The following MIPOL1 variants were observed in gnomAD, a reference collection of about 807,000 sequenced individuals.
The protein encoded by MIPOL1 is mirror-image polydactyly 1.
MIPOL1 carries 57 observed loss-of-function variants against 60.9 expected under a neutral mutation model. That is an observed-to-expected ratio of 0.94 (90% CI 0.76 to 1.17). The LOEUF (loss-of-function observed/expected upper bound fraction) is 1.17. Among genes scored for constraint, MIPOL1 ranks in the 50% most tolerant of loss-of-function variants. The pLI is 0.00. For synonymous variants in MIPOL1, 179 were observed against 168.8 expected, an observed-to-expected ratio of 1.06 and a Z score of -0.47; for missense variants, 551 against 511.6, an observed-to-expected ratio of 1.08 and a Z score of -0.74.
chr14:37,466,873 A>G (rs1030321461), intron 11 of MIPOL1, among the ~76,000 whole-genome samples: 3 of 152,228 alleles, frequency 2.0e-5, no homozygotes, highest in African/African-American at 4.8e-5. Flanking sequence ...GTAGCTATCA[A>G]TATCAGATCA....
intron 12 of MIPOL1, among the ~76,000 whole-genome samples, chr14:37,508,110 TC>T (rs1429569659): frequency 7.9e-5 from 12 of 152,276 alleles, no homozygotes; most frequent in Admixed American, 2.6e-4. Context: ...TTATAAGACT[TC>T]GTAAGATGGT....
At chr14:37,449,822 T>C (rs374781094) in intron 11 of MIPOL1, among the ~76,000 whole-genome samples, 1 of 151,648 alleles carries the variant, frequency 6.6e-6, no homozygotes, top group South Asian at 2.1e-4. Flanking sequence ...TTACTTAATT[T>C]ATTTTTTTGA....
chr14:37,302,525 C>T (rs2086391629), intron 7 of MIPOL1, among the ~76,000 whole-genome samples: 1 of 151,284 alleles, frequency 6.6e-6, no homozygotes, highest in African/African-American at 2.4e-5. Context: ...GTGGCTTGCA[C>T]ATATTTTCTT....
At chr14:37,348,484 A>G (rs1358107690) in intron 9 of MIPOL1, among the ~76,000 whole-genome samples, 1 of 152,170 alleles carries the variant, frequency 6.6e-6, no homozygotes, top group East Asian at 1.9e-4. Flanking sequence ...TGGAAAAAGC[A>G]TGCAATAAAA....
intron 11 of MIPOL1, among the ~76,000 whole-genome samples, chr14:37,489,411 GAGGAGTT>G (rs2095010422): frequency 6.6e-6 from 1 of 152,080 alleles, no homozygotes; most frequent in East Asian, 1.9e-4. Flanking sequence ...CTTTAGCTCA[GAGGAGTT>G]TGTTATTACC....
chr14:37,345,475 A>G (rs1327079148), intron 9 of MIPOL1, among the ~76,000 whole-genome samples: 1 of 152,214 alleles, frequency 6.6e-6, no homozygotes, highest in Non-Finnish European at 1.5e-5. Context: ...TTCAGTTACT[A>G]TCAGTTATTG....
Position 37,285,443 on chromosome 14 carries a change from A to G in MIPOL1, c.619A>G (p.Lys207Glu). The G allele has an allele frequency of 6.2e-7, 1 of 1,613,980 alleles. No individual in the cohort carries two copies. The highest frequency in any genetic ancestry group is 1.1e-5 in the South Asian group (1 of 91,054). ...ARAKHMEMSL[K>E]VLENINPEEN... ...AGCCAAGCATATGGAAATGTCTCTA[A>G]AAGTGTATGTACACATTTAAAACTC... The change falls in exon 7 of 13, where the codon AAA becomes GAA. Residue 207 changes from lysine to glutamate, a missense_variant. Physicochemically the swap from Lys to Glu is moderately conservative, Grantham distance 56. Coordinates refer to ENST00000684589, the MANE Select transcript of MIPOL1 (RefSeq NM_001388067.1).
intron 9 of MIPOL1, among the ~76,000 whole-genome samples, chr14:37,347,069 G>A (rs565229759): frequency 6.6e-6 from 1 of 151,930 alleles, no homozygotes; most frequent in South Asian, 2.1e-4. Flanking sequence ...AAACCAATCT[G>A]GCAATTCATC....
intron 12 of MIPOL1, among the ~76,000 whole-genome samples, chr14:37,515,410 C>G (rs1393031341): frequency 6.6e-6 from 1 of 151,540 alleles, no homozygotes; most frequent in African/African-American, 2.4e-5. Flanking sequence ...TATTTTGGAA[C>G]CTACTAAACT....
At chr14:37,470,374 T>C (rs1481203617) in intron 11 of MIPOL1, among the ~76,000 whole-genome samples, 1 of 152,104 alleles carries the variant, frequency 6.6e-6, no homozygotes, top group African/African-American at 2.4e-5. Flanking sequence ...TCCCCAGTGT[T>C]ACGGGAGGGG....
intron 1 of MIPOL1, among the ~76,000 whole-genome samples, chr14:37,205,338 A>G (rs1434043596): frequency 6.6e-6 from 1 of 152,126 alleles, no homozygotes; most frequent in African/African-American, 2.4e-5. Flanking sequence ...TCCTGACCTC[A>G]GGTGATCCAC....
chr14:37,358,819 C>T (rs1395130898), intron 9 of MIPOL1, among the ~76,000 whole-genome samples: 1 of 152,134 alleles, frequency 6.6e-6, no homozygotes, highest in African/African-American at 2.4e-5. Flanking sequence ...TCTTGCTGTG[C>T]AGAAGCTCTT....
intron 10 of MIPOL1, among the ~76,000 whole-genome samples, chr14:37,416,625 G>A (rs531156153): frequency 7.9e-5 from 12 of 152,224 alleles, no homozygotes; most frequent in African/African-American, 1.7e-4. Context: ...TGACCAAAGC[G>A]TTGTTATTCT....
intron 12 of MIPOL1, among the ~76,000 whole-genome samples, chr14:37,541,996 C>A (rs529178662): frequency 6.6e-6 from 1 of 152,274 alleles, no homozygotes; most frequent in South Asian, 2.1e-4. Flanking sequence ...CTTGTAACTA[C>A]AGTTCTCTTT....
At chr14:37,255,999 T>G (rs8009361) in intron 3 of MIPOL1, among the ~76,000 whole-genome samples, 46,049 of 151,576 alleles carry the variant, frequency 0.3, 7,216 homozygotes, top group East Asian at 0.46. Flanking sequence ...CTACTCAATA[T>G]TTTAAAAATT....
chr14:37,246,586 T>C (rs908733339), intron 1 of MIPOL1, among the ~76,000 whole-genome samples: 6 of 152,164 alleles, frequency 3.9e-5, no homozygotes, highest in Admixed American at 2.6e-4. Flanking sequence ...CTGCTTAGAC[T>C]GTCAATGTTT....
At chr14:37,225,919 AC>A (rs1969641668) in intron 1 of MIPOL1, among the ~76,000 whole-genome samples, 1 of 152,142 alleles carries the variant, frequency 6.6e-6, no homozygotes, top group Non-Finnish European at 1.5e-5. Flanking sequence ...TCCGCCAGAC[AC>A]CCTAAATCAT....
At chr14:37,284,806 AATTT>A (rs2084415434) in intron 6 of MIPOL1, among the ~76,000 whole-genome samples, 2 of 152,156 alleles carry the variant, frequency 1.3e-5, no homozygotes, top group Admixed American at 1.3e-4. Context: ...TTCTGAATGT[AATTT>A]ATTTATTCCT....
intron 10 of MIPOL1, among the ~76,000 whole-genome samples, chr14:37,395,474 T>C (rs1486578643): frequency 2.0e-5 from 3 of 152,182 alleles, no homozygotes; most frequent in Non-Finnish European, 2.9e-5. Flanking sequence ...CCTCCTTGGT[T>C]AGGTAGATTC....
Sources: gnomAD v4.1 joint callset for allele counts (sites outside exome capture counted in the v4.1 genomes callset) on GRCh38, gnomAD v4.1.1 for gene constraint, MANE v1.5 for transcripts, NCBI Gene and HGNC (gene_info 2026-07-23, HGNC 2026-07-21) for gene names.